The following ARHGAP15 variants were observed in gnomAD, a reference collection of about 807,000 sequenced individuals.
The protein encoded by ARHGAP15 is rho GTPase-activating protein 15.
ARHGAP15 carries 51 observed loss-of-function variants against 63.7 expected under a neutral mutation model. The observed-to-expected ratio is 0.80, with a 90% confidence interval of 0.64 to 1.01. ARHGAP15 has a LOEUF of 1.01. Ranked by LOEUF, ARHGAP15 falls within the 50% of genes least tolerant of loss-of-function variation. The probability of loss-of-function intolerance (pLI) is 0.00; values close to 1 mark genes in which losing one functional copy is unlikely to be tolerated. For synonymous variants in ARHGAP15, 191 were observed against 193.8 expected (o/e 0.99, Z 0.12); for missense variants, 560 against 564.6 (o/e 0.99, Z 0.08).
At chr2:143,188,715 G>A (rs1463570863) in intron 2 of ARHGAP15, among the ~76,000 whole-genome samples, 4 of 151,622 alleles carry the variant, frequency 2.6e-5, no homozygotes, top group Non-Finnish European at 5.9e-5. Context: ...CTGCCTCCCA[G>A]GTTCAAGCTA....
At chr2:143,646,812 C>T (rs1680902681) in intron 12 of ARHGAP15, among the ~76,000 whole-genome samples, 1 of 151,984 alleles carries the variant, frequency 6.6e-6, no homozygotes, top group Admixed American at 6.6e-5. Context: ...GCTCTGACCA[C>T]ATACTATAAT....
chr2:143,747,854 A>G (rs143315528), intron 13 of ARHGAP15, among the ~76,000 whole-genome samples: 2,080 of 152,288 alleles, frequency 0.014, 24 homozygotes, highest in Middle Eastern at 0.048. Context: ...TTTTTAACCA[A>G]CATATTTCTC....
chr2:143,316,743 A>G (rs1383761132), intron 6 of ARHGAP15, among the ~76,000 whole-genome samples: 2 of 151,906 alleles, frequency 1.3e-5, no homozygotes, highest in African/African-American at 4.8e-5. Flanking sequence ...CACTATAAGT[A>G]TCAAACAATC....
intron 6 of ARHGAP15, among the ~76,000 whole-genome samples, chr2:143,376,561 T>C (rs1686818426): frequency 6.6e-6 from 1 of 152,084 alleles, no homozygotes; most frequent in African/African-American, 2.4e-5. Context: ...ATGGTAAGAC[T>C]TAGAACACAT....
chr2:143,569,907 T>C (rs559149326), intron 11 of ARHGAP15, among the ~76,000 whole-genome samples: 1 of 152,290 alleles, frequency 6.6e-6, no homozygotes, highest in East Asian at 1.9e-4. Flanking sequence ...CCATTTCCTT[T>C]AAGCAATAAA....
At chr2:143,334,210 ATCTC>A (rs1200929859) in intron 6 of ARHGAP15, among the ~76,000 whole-genome samples, 2 of 152,142 alleles carry the variant, frequency 1.3e-5, no homozygotes, top group South Asian at 2.1e-4. Context: ...ACAATCACAG[ATCTC>A]TCTAATTTTT....
chr2:143,432,231 G>T (rs998279284), intron 6 of ARHGAP15, among the ~76,000 whole-genome samples: 1 of 151,864 alleles, frequency 6.6e-6, no homozygotes, highest in Admixed American at 6.6e-5. Context: ...GTAAACAAAA[G>T]TATGGAAATT....
intron 10 of ARHGAP15, among the ~76,000 whole-genome samples, chr2:143,534,255 G>T (rs1694648498): frequency 6.6e-6 from 1 of 152,134 alleles, no homozygotes; most frequent in African/African-American, 2.4e-5. Flanking sequence ...AAGGTGCCTT[G>T]CTTCCCCTTC....
intron 6 of ARHGAP15, among the ~76,000 whole-genome samples, chr2:143,321,499 A>G (rs6711261): frequency 0.057 from 8,664 of 152,298 alleles, 818 homozygotes; most frequent in African/African-American, 0.2. Flanking sequence ...TCCGGGGGAA[A>G]GTCCTAAGAG....
rs148758472 is a variant in ARHGAP15 at position 143,202,058 on chromosome 2, G to C, written c.166-76G>C. On this transcript the variant is annotated intron_variant, in intron 2 of 13. Coordinates refer to ENST00000295095, the MANE Select transcript of ARHGAP15 (RefSeq NM_018460.4). ...CACATGCTTGAATAACACTGAATTG[G>C]TTATTTTATGTGTATTCTTACTAAA... 1.5e-5 allele frequency: 17 copies of C among 1,106,350 alleles called. No homozygotes were observed. In the African/African-American group the frequency reaches 2.2e-4, roughly 14 times the overall value. 68.5% of individuals were successfully genotyped at this position (1,106,350 alleles called of 1,614,324 possible).
At chr2:143,141,352 G>A (rs987715876) in intron 1 of ARHGAP15, among the ~76,000 whole-genome samples, 3 of 152,100 alleles carry the variant, frequency 2.0e-5, no homozygotes, top group Non-Finnish European at 4.4e-5. Context: ...ATTAATGAGA[G>A]CAAGGCATGG....
chr2:143,134,145 AT>A lies in ARHGAP15; in HGVS notation c.-15+4680del, dbSNP rs1558765493. Among the ~76,000 whole-genome samples, 64 of 32,136 alleles carry A rather than the reference AT, an allele frequency of 2.0e-3. 1 individual carries two copies. The highest frequency in any genetic ancestry group is 4.1e-3 in the African/African-American group (59 of 14,368). 21.1% of individuals were successfully genotyped at this position (32,136 alleles called of 152,430 possible). A position where few individuals can be genotyped will look rare whatever the true frequency, so the allele number is the denominator to read the frequency against. On this transcript the variant is annotated intron_variant, in intron 1 of 13. Transcript: ENST00000295095. ...TATCTATCTATCTATCTATCTATCT[AT>A]CTATCTACCTATCTATCTATCATCT...
At chr2:143,194,746 T>C (rs1377037949) in intron 2 of ARHGAP15, among the ~76,000 whole-genome samples, 7 of 152,012 alleles carry the variant, frequency 4.6e-5, no homozygotes, top group South Asian at 2.1e-4. Flanking sequence ...ACAAAAAACA[T>C]AGGGGAAAGC....
intron 11 of ARHGAP15, chr2:143,563,793 G>C (rs1035924603): frequency 2.6e-5 from 4 of 152,182 alleles, no homozygotes; most frequent in African/African-American, 7.2e-5. Flanking sequence ...AACACACCAT[G>C]CTTGCTTCTG....
At chr2:143,536,159 T>A (rs1324555276) in intron 10 of ARHGAP15, among the ~76,000 whole-genome samples, 1 of 152,206 alleles carries the variant, frequency 6.6e-6, no homozygotes, top group Non-Finnish European at 1.5e-5. Flanking sequence ...TTCTAGCTAA[T>A]TATAATTATG....
chr2:143,269,296 G>T (rs1279048375), intron 6 of ARHGAP15, among the ~76,000 whole-genome samples: 3 of 152,124 alleles, frequency 2.0e-5, no homozygotes, highest in Non-Finnish European at 4.4e-5. Context: ...TTTAACACAT[G>T]AGGTTGAATT....
chr2:143,291,153 G>C (rs1443295264), intron 6 of ARHGAP15, among the ~76,000 whole-genome samples: 1 of 152,100 alleles, frequency 6.6e-6, no homozygotes, highest in East Asian at 1.9e-4. Flanking sequence ...AAGTCCAGGT[G>C]ATTTAACCCT....
intron 13 of ARHGAP15, among the ~76,000 whole-genome samples, chr2:143,708,910 C>CT (rs1475340942): frequency 6.6e-5 from 10 of 152,122 alleles, no homozygotes. Flanking sequence ...GGGCCATACT[C>CT]TGTGTCCCAG....
chr2:143,606,033 C>G (rs1697997752), intron 11 of ARHGAP15, among the ~76,000 whole-genome samples: 1 of 25,546 alleles, frequency 3.9e-5, no homozygotes, highest in Non-Finnish European at 5.9e-5. Flanking sequence ...AAGACTCTGT[C>G]TCAAAAAAAA....
Sources: allele counts gnomAD v4.1 joint callset (sites outside exome capture counted in the v4.1 genomes callset), GRCh38; gene constraint gnomAD v4.1.1; transcripts MANE v1.5; gene names NCBI Gene and HGNC (gene_info 2026-07-23, HGNC 2026-07-21).